SSU72L4: variants seen among roughly 807,000 people sequenced by gnomAD.
SSU72L4 encodes the protein SSU72 like 4, also known as RNA polymerase II subunit A C-terminal domain phosphatase SSU72 like protein 4.
the SSU72L4 span, among the ~76,000 whole-genome samples, chr11:4,287,139 C>G: frequency 6.9e-6 from 1 of 144,234 alleles, no homozygotes; most frequent in South Asian, 2.4e-4. Context: ...TATTTATCTG[C>G]TGAATACCCT....
the SSU72L4 span, chr11:4,288,140 G>A: frequency 0.13 from 18,607 of 144,246 alleles, 99 homozygotes; most frequent in South Asian, 0.19. Context: ...GCAGGGACTC[G>A]GAGCCGAGGA....
At chr11:4,287,085 T>A in the SSU72L4 span, among the ~76,000 whole-genome samples, 16 of 149,886 alleles carry the variant, frequency 1.1e-4, no homozygotes, top group Non-Finnish European at 2.1e-4. Flanking sequence ...CCACTCAAAT[T>A]GAGAAAAGGA....
the SSU72L4 span, among the ~76,000 whole-genome samples, chr11:4,287,108 A>T: frequency 1.3e-5 from 2 of 148,848 alleles, no homozygotes; most frequent in African/African-American, 2.5e-5. Context: ...TTTATTTAAA[A>T]GGTGCTTATC....
the SSU72L4 span, among the ~76,000 whole-genome samples, chr11:4,287,110 G>A: frequency 6.8e-6 from 1 of 147,038 alleles, no homozygotes; most frequent in African/African-American, 2.5e-5. Flanking sequence ...TATTTAAAAG[G>A]TGCTTATCTA....
chr11:4,287,147 C>A, the SSU72L4 span, among the ~76,000 whole-genome samples: 13 of 141,044 alleles, frequency 9.2e-5, 1 homozygote, highest in African/African-American at 3.4e-4. Flanking sequence ...TGCTGAATAC[C>A]CTTAAACAAA....
the SSU72L4 span, among the ~76,000 whole-genome samples, chr11:4,287,131 T>C: frequency 6.8e-6 from 1 of 146,296 alleles, no homozygotes; most frequent in Non-Finnish European, 1.5e-5. Context: ...TACAATGTTA[T>C]TTATCTGCTG....
chr11:4,287,112 G>A, the SSU72L4 span, among the ~76,000 whole-genome samples: 2 of 147,472 alleles, frequency 1.4e-5, no homozygotes, highest in Admixed American at 6.8e-5. Context: ...TTTAAAAGGT[G>A]CTTATCTATA....
At chr11:4,287,165 T>A in the SSU72L4 span, among the ~76,000 whole-genome samples, 16,365 of 135,254 alleles carry the variant, frequency 0.12, 554 homozygotes, top group South Asian at 0.18. Context: ...AAATCATTTT[T>A]CCAGCAGTCC....
the SSU72L4 span, among the ~76,000 whole-genome samples, chr11:4,287,225 C>T: frequency 8.3e-6 from 1 of 119,764 alleles, no homozygotes. Flanking sequence ...GGTGGGCTAG[C>T]TTTCTTGTAG....
chr11:4,287,097 G>T, the SSU72L4 span, among the ~76,000 whole-genome samples: 3 of 148,542 alleles, frequency 2.0e-5, no homozygotes, highest in Non-Finnish European at 3.0e-5. Flanking sequence ...AGAAAAGGAA[G>T]TTTATTTAAA....
the SSU72L4 span, among the ~76,000 whole-genome samples, chr11:4,287,148 C>G: frequency 7.1e-6 from 1 of 141,764 alleles, no homozygotes; most frequent in Non-Finnish European, 1.5e-5. Context: ...GCTGAATACC[C>G]TTAAACAAAT....
the SSU72L4 span, chr11:4,288,171 T>C: frequency 8.2e-6 from 1 of 121,470 alleles, no homozygotes; most frequent in African/African-American, 4.2e-5. Context: ...TATACCCAGG[T>C]CTTCCAAACG....
the SSU72L4 span, among the ~76,000 whole-genome samples, chr11:4,287,159 C>A: frequency 7.2e-6 from 1 of 139,222 alleles, no homozygotes; most frequent in Non-Finnish European, 1.5e-5. Context: ...TTAAACAAAT[C>A]ATTTTTCCAG....
the SSU72L4 span, among the ~76,000 whole-genome samples, chr11:4,287,118 C>G: frequency 6.8e-6 from 1 of 147,136 alleles, no homozygotes; most frequent in Non-Finnish European, 1.5e-5. Context: ...AGGTGCTTAT[C>G]TATACAATGT....
At chr11:4,287,146 C>A in the SSU72L4 span, among the ~76,000 whole-genome samples, 12 of 142,276 alleles carry the variant, frequency 8.4e-5, 1 homozygote, top group Admixed American at 6.4e-4. Context: ...CTGCTGAATA[C>A]CCTTAAACAA....
chr11:4,287,509 C>G, the SSU72L4 span: 2 of 618,916 alleles, frequency 3.2e-6, no homozygotes, highest in Non-Finnish European at 5.6e-6. Context: ...TCAGTAGAAG[C>G]AGACGGTGTG....
At chr11:4,287,301 G>A in the SSU72L4 span, among the ~76,000 whole-genome samples, 2 of 113,742 alleles carry the variant, frequency 1.8e-5, no homozygotes, top group African/African-American at 3.3e-5. Context: ...CCATTTTTCA[G>A]TGCTTTTAAA....
the SSU72L4 span, among the ~76,000 whole-genome samples, chr11:4,287,158 T>C: frequency 1.3e-4 from 18 of 139,154 alleles, no homozygotes; most frequent in African/African-American, 4.8e-4. Flanking sequence ...CTTAAACAAA[T>C]CATTTTTCCA....
the SSU72L4 span, among the ~76,000 whole-genome samples, chr11:4,287,265 A>G: frequency 2.5e-5 from 3 of 120,172 alleles, no homozygotes; most frequent in Admixed American, 8.9e-5. Context: ...TAGTTATGCC[A>G]TGTAATGCAC....
Sources: allele counts gnomAD v4.1 joint callset (sites outside exome capture counted in the v4.1 genomes callset), GRCh38; gene constraint gnomAD v4.1.1; transcripts MANE v1.5; gene names NCBI Gene and HGNC (gene_info 2026-07-23, HGNC 2026-07-21).